Variants in MGAT4C observed in about 807,000 individuals in gnomAD.
The protein encoded by MGAT4C is alpha-1,3-mannosyl-glycoprotein 4-beta-N-acetylglucosaminyltransferase C.
Under a neutral mutation model 40.1 loss-of-function variants are expected in MGAT4C, and 19 were observed. That is an observed-to-expected ratio of 0.47 (90% CI 0.33 to 0.70). The LOEUF (loss-of-function observed/expected upper bound fraction) is 0.70, where lower values mean the gene tolerates loss of function less well. MGAT4C is among the 30% of genes least tolerant of loss of function. The pLI, the probability that MGAT4C is intolerant of heterozygous loss-of-function variation, is 0.02. For synonymous variants in MGAT4C, 181 were observed against 187.1 expected (o/e 0.97, Z 0.27); for missense variants, 491 against 563.2 (o/e 0.87, Z 1.30).
intron 2 of MGAT4C, among the ~76,000 whole-genome samples, chr12:86,038,759 T>C (rs138820027): frequency 1.3e-5 from 2 of 149,936 alleles, no homozygotes; most frequent in East Asian, 3.9e-4. Flanking sequence ...GTTATGTGAG[T>C]TTGATCCTGC....
chr12:86,110,046 T>C (rs115041513), intron 1 of MGAT4C, among the ~76,000 whole-genome samples: 555 of 151,042 alleles, frequency 3.7e-3, no homozygotes, highest in African/African-American at 0.013. Context: ...GTAAAAGTTA[T>C]AACTTCAGGA....
chr12:86,049,727 G>C lies in MGAT4C; in HGVS notation c.-56-4C>G. On this transcript the variant is annotated splice_region_variant and splice_polypyrimidine_tract_variant and intron_variant, in intron 1 of 4. Coordinates refer to ENST00000611864, the MANE Select transcript of MGAT4C (RefSeq NM_001351288.2). ...CTGTACAGAAACCGTTGATACCCTG[G>C]AAAAAAGAAAGTCTAATATTACTAA... 1 of 976,596 alleles carries C rather than the reference G, an allele frequency of 1.0e-6. No individual in the cohort carries two copies. Among genetic ancestry groups the C allele is most frequent in the Non-Finnish European group, 1.2e-6 (1 of 821,776 alleles). The allele number at this position is 976,596 out of a possible 1,614,324, so 60.5% of individuals were successfully genotyped here.
At chr12:86,393,647 T>A (rs779419152) in intron 3 of MGAT4C, among the ~76,000 whole-genome samples, 5 of 152,220 alleles carry the variant, frequency 3.3e-5, no homozygotes, top group Non-Finnish European at 5.9e-5. Context: ...TGTTCCCTGA[T>A]AAGTAAAAAT....
At chr12:86,020,780 A>G (rs1416636646) in intron 2 of MGAT4C, among the ~76,000 whole-genome samples, 7 of 152,208 alleles carry the variant, frequency 4.6e-5, no homozygotes, top group Non-Finnish European at 8.8e-5. Flanking sequence ...AAAAGAAACT[A>G]CCATCAGAGT....
rs374046839 is a variant in MGAT4C at position 86,805,486 on chromosome 12, G to A, written c.-262+33180C>T. 1.1e-4 allele frequency among the ~76,000 whole-genome samples: 17 copies of A among 151,918 alleles called. No homozygotes were observed. In the East Asian group the frequency reaches 1.6e-3, roughly 14 times the overall value. Reference sequence around the variant, plus strand: ...GTGGTATTTGGTTTTCTATTTCTGCGTAAATTTGCTTAAGATAAAGGGTCT... The same window carrying A: ...GTGGTATTTGGTTTTCTATTTCTGCATAAATTTGCTTAAGATAAAGGGTCT... On this transcript the variant is annotated intron_variant, in intron 1 of 7. Transcript: ENST00000548651.
chr12:86,267,324 C>T (rs937578023), intron 4 of MGAT4C, among the ~76,000 whole-genome samples: 1 of 151,982 alleles, frequency 6.6e-6, no homozygotes, highest in African/African-American at 2.4e-5. Flanking sequence ...CACCACTAGA[C>T]GGGACCTACA....
chr12:86,530,450 T>C (rs767834808), intron 2 of MGAT4C, among the ~76,000 whole-genome samples: 35 of 152,134 alleles, frequency 2.3e-4, no homozygotes, highest in Non-Finnish European at 3.5e-4. Flanking sequence ...AGACATATTA[T>C]GTACTCCTTA....
At chr12:86,215,130 G>GT (rs1950620023) in intron 1 of MGAT4C, among the ~76,000 whole-genome samples, 1 of 61,128 alleles carries the variant, frequency 1.6e-5, no homozygotes, top group African/African-American at 4.3e-5. Flanking sequence ...CTCTTACAAT[G>GT]CTTCTGGAGC....
intron 3 of MGAT4C, among the ~76,000 whole-genome samples, chr12:86,371,059 G>A (rs1955705472): frequency 6.6e-6 from 1 of 151,986 alleles, no homozygotes; most frequent in African/African-American, 2.4e-5. Flanking sequence ...TTCATACTGA[G>A]TCTTACAAGA....
chr12:86,221,252 CT>C (rs1389075490), intron 1 of MGAT4C, among the ~76,000 whole-genome samples: 8 of 152,110 alleles, frequency 5.3e-5, no homozygotes, highest in Admixed American at 3.3e-4. Context: ...TTTTATCCCC[CT>C]GATAACTATC....
Position 85,975,565 on chromosome 12 carries a change from C to A in MGAT4C, c.*3724G>T, listed in dbSNP as rs558182269. The A allele has an allele frequency of 6.6e-6, 1 of 150,668 alleles. No individual in the cohort carries two copies. The highest frequency in any genetic ancestry group is 2.4e-5 in the African/African-American group (1 of 41,248). 9.3% of individuals were successfully genotyped at this position (150,668 alleles called of 1,614,324 possible). A position where few individuals can be genotyped will look rare whatever the true frequency, so the allele number is the denominator to read the frequency against. On this transcript the variant is annotated 3_prime_UTR_variant, in exon 5 of 5. Coordinates refer to ENST00000611864, the MANE Select transcript of MGAT4C (RefSeq NM_001351288.2). ...GTGTCAAAATCAAGTCTGTATGAAC[C>A]TTCTGTTTTGTCTCCCATGAAGACA...
intron 2 of MGAT4C, among the ~76,000 whole-genome samples, chr12:86,672,688 A>G (rs886396974): frequency 6.6e-6 from 1 of 152,144 alleles, no homozygotes; most frequent in African/African-American, 2.4e-5. Context: ...GTTCTCATGT[A>G]TAAGTGTAAA....
intron 2 of MGAT4C, among the ~76,000 whole-genome samples, chr12:86,650,439 C>A (rs758899104): frequency 6.6e-6 from 1 of 151,790 alleles, no homozygotes; most frequent in African/African-American, 2.4e-5. Flanking sequence ...CTGTCTACAG[C>A]GCCAGAAATG....
chr12:85,998,132 C>T (rs908361582), intron 2 of MGAT4C, among the ~76,000 whole-genome samples: 3 of 152,234 alleles, frequency 2.0e-5, no homozygotes, highest in Non-Finnish European at 4.4e-5. Flanking sequence ...GCTGCCAAGG[C>T]TTGGGGCTTG....
intron 4 of MGAT4C, among the ~76,000 whole-genome samples, chr12:86,283,348 A>T (rs1355279006): frequency 6.6e-6 from 1 of 152,054 alleles, no homozygotes; most frequent in Non-Finnish European, 1.5e-5. Flanking sequence ...TGGTAGAGCT[A>T]GCCTGTCATG....
At chr12:86,071,033 A>C (rs1868362626) in intron 1 of MGAT4C, among the ~76,000 whole-genome samples, 1 of 152,092 alleles carries the variant, frequency 6.6e-6, no homozygotes, top group African/African-American at 2.4e-5. Flanking sequence ...AGATAGTCTC[A>C]AGTTAAAACT....
At chr12:86,288,301 G>A (rs187461951) in intron 4 of MGAT4C, among the ~76,000 whole-genome samples, 1 of 152,060 alleles carries the variant, frequency 6.6e-6, no homozygotes, top group Non-Finnish European at 1.5e-5. Flanking sequence ...TAGGTTGCCT[G>A]CTCACTCTGA....
chr12:86,349,978 T>C (rs1383744269), intron 3 of MGAT4C, among the ~76,000 whole-genome samples: 2 of 152,034 alleles, frequency 1.3e-5, no homozygotes, highest in Non-Finnish European at 2.9e-5. Flanking sequence ...ATAAATATAA[T>C]ATATTCCAAA....
chr12:86,808,388 C>G (rs1952404632), intron 1 of MGAT4C, among the ~76,000 whole-genome samples: 2 of 152,082 alleles, frequency 1.3e-5, no homozygotes, highest in African/African-American at 4.8e-5. Flanking sequence ...CAATAAAATA[C>G]TGGAAAACCA....
Sources: gnomAD v4.1 joint callset for allele counts (sites outside exome capture counted in the v4.1 genomes callset) on GRCh38, gnomAD v4.1.1 for gene constraint, MANE v1.5 for transcripts, NCBI Gene and HGNC (gene_info 2026-07-23, HGNC 2026-07-21) for gene names.